Variants in ROBO1 observed in about 807,000 individuals in gnomAD.
ROBO1 encodes roundabout guidance receptor 1, also known as roundabout homolog 1.
Under a neutral mutation model 195.9 loss-of-function variants are expected in ROBO1, and 149 were observed. The ratio of observed to expected loss-of-function variants is 0.76; its 90% CI spans 0.67 to 0.87. ROBO1 has a LOEUF of 0.87. ROBO1 is among the 40% of genes least tolerant of loss of function. The pLI is 0.00. For synonymous variants in ROBO1, 816 were observed against 733.2 expected, an observed-to-expected ratio of 1.11 and a Z score of -1.82; for missense variants, 1,933 against 2,068.3, an observed-to-expected ratio of 0.93 and a Z score of 1.27.
At chr3:79,393,596 T>A (rs1231918415) in intron 2 of ROBO1, among the ~76,000 whole-genome samples, 2 of 152,118 alleles carry the variant, frequency 1.3e-5, no homozygotes, top group Non-Finnish European at 2.9e-5. Context: ...AAGATCTCTA[T>A]GGAATAGACA....
intron 5 of ROBO1, among the ~76,000 whole-genome samples, chr3:78,720,575 T>C (rs28494803): frequency 0.31 from 47,760 of 151,806 alleles, 8,398 homozygotes; most frequent in African/African-American, 0.48. Context: ...ACCATTTGAC[T>C]CAGCCATCCC....
At chr3:78,733,135 T>C in intron 5 of ROBO1, among the ~76,000 whole-genome samples, 1 of 152,172 alleles carries the variant, frequency 6.6e-6, no homozygotes, top group Non-Finnish European at 1.5e-5. Context: ...AGCCTCACCA[T>C]AAAACTTAGA....
intron 3 of ROBO1, among the ~76,000 whole-genome samples, chr3:79,024,546 A>AACTTATATTTG (rs1471310471): frequency 1.3e-5 from 2 of 152,178 alleles, no homozygotes; most frequent in African/African-American, 2.4e-5. Context: ...TTTTGAACCA[A>AACTTATATTTG]AGCACTTGAA....
intron 2 of ROBO1, among the ~76,000 whole-genome samples, chr3:79,129,634 T>A (rs1220307059): frequency 6.6e-6 from 1 of 152,204 alleles, no homozygotes; most frequent in African/African-American, 2.4e-5. Flanking sequence ...TATTTTTTAA[T>A]TGACAAATTT....
At chr3:79,035,684 C>T (rs969870825) in intron 3 of ROBO1, among the ~76,000 whole-genome samples, 2 of 151,422 alleles carry the variant, frequency 1.3e-5, no homozygotes, top group African/African-American at 4.9e-5. Flanking sequence ...TGAGCCAAGA[C>T]TGTGCAACTG....
chr3:79,074,156 C>T (rs188022763), intron 3 of ROBO1, among the ~76,000 whole-genome samples: 18 of 151,598 alleles, frequency 1.2e-4, no homozygotes, highest in African/African-American at 3.6e-4. Flanking sequence ...GATTTGGAAA[C>T]AACAAAAAAA....
At chr3:79,312,189 C>T (rs550710379) in intron 2 of ROBO1, among the ~76,000 whole-genome samples, 2 of 152,184 alleles carry the variant, frequency 1.3e-5, no homozygotes. Flanking sequence ...TTCAAACAAT[C>T]TCCATTGCCC....
chr3:79,244,946 C>A (rs933493411), intron 2 of ROBO1, among the ~76,000 whole-genome samples: 2 of 151,972 alleles, frequency 1.3e-5, no homozygotes. Context: ...AGCCTGGTTA[C>A]AACAAGACGT....
chr3:79,665,695 A>C (rs1297634606), intron 1 of ROBO1, among the ~76,000 whole-genome samples: 1 of 151,968 alleles, frequency 6.6e-6, no homozygotes, highest in Non-Finnish European at 1.5e-5. Context: ...GAGTGAAAAA[A>C]TGACGCTTGC....
At chr3:79,398,338 T>C (rs1032739192) in intron 2 of ROBO1, among the ~76,000 whole-genome samples, 1 of 152,164 alleles carries the variant, frequency 6.6e-6, no homozygotes, top group African/African-American at 2.4e-5. Context: ...GATTTTAATA[T>C]ATAATTCTTA....
At chr3:78,601,787 T>C (rs1233454462) in intron 29 of ROBO1, among the ~76,000 whole-genome samples, 2 of 152,114 alleles carry the variant, frequency 1.3e-5, no homozygotes, top group African/African-American at 2.4e-5. Flanking sequence ...ACTGAGAAAA[T>C]TGATAATGCT....
At chr3:79,208,069 T>A (rs1394683508) in intron 2 of ROBO1, among the ~76,000 whole-genome samples, 1 of 152,206 alleles carries the variant, frequency 6.6e-6, no homozygotes, top group Non-Finnish European at 1.5e-5. Flanking sequence ...CAAATCTAAG[T>A]TCCCCATGCT....
At chr3:79,686,420 G>A (rs928749797) in intron 1 of ROBO1, among the ~76,000 whole-genome samples, 1 of 152,126 alleles carries the variant, frequency 6.6e-6, no homozygotes, top group Non-Finnish European at 1.5e-5. Flanking sequence ...AGGAAAAGAG[G>A]AAGTCAAATT....
intron 2 of ROBO1, among the ~76,000 whole-genome samples, chr3:79,445,987 A>T (rs951497362): frequency 1.4e-4 from 21 of 151,934 alleles, no homozygotes; most frequent in Non-Finnish European, 8.8e-5. Flanking sequence ...TCATAGACAC[A>T]GGGTTTCACT....
At chr3:79,121,103 A>G (rs1008905129) in intron 3 of ROBO1, among the ~76,000 whole-genome samples, 1 of 152,134 alleles carries the variant, frequency 6.6e-6, no homozygotes, top group African/African-American at 2.4e-5. Flanking sequence ...GTCTCTATTA[A>G]TAATAGCACT....
At chr3:78,694,154 A>G (rs950134945) in intron 8 of ROBO1, among the ~76,000 whole-genome samples, 1 of 152,210 alleles carries the variant, frequency 6.6e-6, no homozygotes, top group Admixed American at 6.5e-5. Flanking sequence ...AACATTAGGC[A>G]TCTTAATAGA....
chr3:79,658,588 T>C (rs1946238682), intron 1 of ROBO1, among the ~76,000 whole-genome samples: 1 of 151,994 alleles, frequency 6.6e-6, no homozygotes, highest in South Asian at 2.1e-4. Context: ...TTTTACTTTT[T>C]TATTTTTAAT....
intron 2 of ROBO1, among the ~76,000 whole-genome samples, chr3:79,421,411 T>C (rs575541177): frequency 5.9e-5 from 9 of 151,274 alleles, no homozygotes; most frequent in Non-Finnish European, 1.2e-4. Flanking sequence ...TTACAGCATC[T>C]GCTTTTGCTC....
At chr3:79,730,488 G>T (rs940295237) in intron 1 of ROBO1, among the ~76,000 whole-genome samples, 1 of 151,978 alleles carries the variant, frequency 6.6e-6, no homozygotes, top group Non-Finnish European at 1.5e-5. Context: ...CATTCATTTT[G>T]TAATATCTAC....
Sources: gnomAD v4.1 joint callset for allele counts (sites outside exome capture counted in the v4.1 genomes callset) on GRCh38, gnomAD v4.1.1 for gene constraint, MANE v1.5 for transcripts, NCBI Gene and HGNC (gene_info 2026-07-23, HGNC 2026-07-21) for gene names.